The following ARSJ variants were observed in gnomAD, a reference collection of about 807,000 sequenced individuals.
The protein encoded by ARSJ is arylsulfatase J.
In ARSJ, 26 loss-of-function variants were observed where a neutral mutation model predicts 35.9. That is an observed-to-expected ratio of 0.72 (90% CI 0.53 to 1.00). The LOEUF is 1.00. Ranked by LOEUF, ARSJ falls within the 50% of genes least tolerant of loss-of-function variation. ARSJ has a pLI of 0.00. For synonymous variants in ARSJ, 294 were observed against 267.6 expected (o/e 1.10, Z -0.96); for missense variants, 667 against 723.6 (o/e 0.92, Z 0.90).
intron 1 of ARSJ, among the ~76,000 whole-genome samples, chr4:113,961,881 GTC>G (rs1224872534): frequency 6.8e-6 from 1 of 147,030 alleles, no homozygotes; most frequent in African/African-American, 2.6e-5. Flanking sequence ...GCCTGTGTTT[GTC>G]TCTCTCTCTC....
At chr4:113,903,703 C>A (rs1387368934) in intron 1 of ARSJ, 28 bp from the exon 2 acceptor site, 1 of 1,570,766 alleles carries the variant, frequency 6.4e-7, no homozygotes, top group Non-Finnish European at 8.7e-7. Flanking sequence ...AAATTGTTAT[C>A]AGGGCAGGAT....
intron 1 of ARSJ, among the ~76,000 whole-genome samples, chr4:113,921,319 T>C (rs1259780677): frequency 6.6e-6 from 1 of 152,094 alleles, no homozygotes; most frequent in Non-Finnish European, 1.5e-5. Flanking sequence ...AAAGAACAGA[T>C]CTGTTAAGAC....
chr4:113,929,745 C>A (rs896188899), intron 1 of ARSJ, among the ~76,000 whole-genome samples: 2 of 152,232 alleles, frequency 1.3e-5, no homozygotes, highest in South Asian at 2.1e-4. Context: ...GGCTCAGTAT[C>A]TGCTTCTGAA....
At chr4:113,954,667 A>G (rs1025768356) in intron 1 of ARSJ, among the ~76,000 whole-genome samples, 2 of 152,062 alleles carry the variant, frequency 1.3e-5, no homozygotes, top group Admixed American at 6.6e-5. Flanking sequence ...CAAGGAACCA[A>G]TAGGTGATAA....
intron 1 of ARSJ, among the ~76,000 whole-genome samples, chr4:113,937,982 A>G (rs183135139): frequency 1.1e-3 from 168 of 152,216 alleles, no homozygotes; most frequent in African/African-American, 3.7e-3. Flanking sequence ...TGCAGATTCA[A>G]TGCTATTCCC....
intron 1 of ARSJ, among the ~76,000 whole-genome samples, chr4:113,908,293 G>A (rs955666598): frequency 2.2e-5 from 3 of 138,500 alleles, no homozygotes; most frequent in African/African-American, 5.2e-5. Context: ...ACTCTTGTTG[G>A]TAGGAAATAC....
chr4:113,974,730 A>G (rs1419299374), intron 1 of ARSJ, among the ~76,000 whole-genome samples: 1 of 152,200 alleles, frequency 6.6e-6, no homozygotes, highest in Non-Finnish European at 1.5e-5. Context: ...TGAGAGTACA[A>G]ACTGGTAGAA....
chr4:113,937,522 A>G (rs1022221921), intron 1 of ARSJ, among the ~76,000 whole-genome samples: 8 of 152,126 alleles, frequency 5.3e-5, no homozygotes, highest in African/African-American at 1.7e-4. Context: ...TCAACATAGT[A>G]TTGGAAGTTC....
At chr4:113,926,335 A>G (rs4593205) in intron 1 of ARSJ, among the ~76,000 whole-genome samples, 109,760 of 151,856 alleles carry the variant, frequency 0.72, 40,215 homozygotes, top group East Asian at 0.81. Flanking sequence ...TGCAAAATGC[A>G]CAACCAGGTG....
intron 1 of ARSJ, among the ~76,000 whole-genome samples, chr4:113,956,379 A>T (rs1398777789): frequency 6.6e-6 from 1 of 152,116 alleles, no homozygotes; most frequent in African/African-American, 2.4e-5. Context: ...CTACGACATT[A>T]AAAGCAAAAA....
At chr4:113,940,378 C>T (rs1725072287) in intron 1 of ARSJ, among the ~76,000 whole-genome samples, 1 of 152,072 alleles carries the variant, frequency 6.6e-6, no homozygotes, top group Non-Finnish European at 1.5e-5. Flanking sequence ...CCTCAGCAAA[C>T]TAATGCAGGG....
At chr4:113,924,054 T>TAA (rs1554115281) in intron 1 of ARSJ, among the ~76,000 whole-genome samples, 34 of 124,752 alleles carry the variant, frequency 2.7e-4, no homozygotes, top group South Asian at 9.5e-4. Context: ...TAAATATATA[T>TAA]AAATATATAT....
chr4:113,911,887 AT>A (rs1722932092), intron 1 of ARSJ, among the ~76,000 whole-genome samples: 1 of 152,186 alleles, frequency 6.6e-6, no homozygotes, highest in Non-Finnish European at 1.5e-5. Context: ...ATAGTAACTA[AT>A]TTAGTACTTA....
intron 1 of ARSJ, among the ~76,000 whole-genome samples, chr4:113,921,725 C>T (rs1158222813): frequency 6.6e-6 from 1 of 152,160 alleles, no homozygotes; most frequent in Non-Finnish European, 1.5e-5. Context: ...TGCTACTGCA[C>T]TTTGAGGCCA....
intron 1 of ARSJ, among the ~76,000 whole-genome samples, chr4:113,964,642 A>G (rs1335163830): frequency 1.3e-5 from 2 of 152,092 alleles, no homozygotes; most frequent in Admixed American, 1.3e-4. Context: ...AGCAGGTGTT[A>G]AACAGTTGGG....
At chr4:113,918,750 C>T (rs1231095893) in intron 1 of ARSJ, among the ~76,000 whole-genome samples, 3 of 151,850 alleles carry the variant, frequency 2.0e-5, no homozygotes, top group African/African-American at 7.3e-5. Context: ...TTTTAAATTC[C>T]AATACTGAAT....
At chr4:113,968,809 T>C (rs1352562943) in intron 1 of ARSJ, among the ~76,000 whole-genome samples, 1 of 152,198 alleles carries the variant, frequency 6.6e-6, no homozygotes, top group African/African-American at 2.4e-5. Context: ...ATTTCGACTA[T>C]TGTAGGAATT....
chr4:113,959,341 A>G (rs555491654), intron 1 of ARSJ, among the ~76,000 whole-genome samples: 30 of 152,124 alleles, frequency 2.0e-4, no homozygotes, highest in African/African-American at 7.0e-4. Flanking sequence ...AATGTTTCAA[A>G]TGCACACACT....
chr4:113,919,898 A>G (rs937712250), intron 1 of ARSJ, among the ~76,000 whole-genome samples: 1 of 152,002 alleles, frequency 6.6e-6, no homozygotes, highest in South Asian at 2.1e-4. Context: ...GCAGTTTTGT[A>G]CCTAGCAGGA....
Sources: allele counts gnomAD v4.1 joint callset (sites outside exome capture counted in the v4.1 genomes callset), GRCh38; gene constraint gnomAD v4.1.1; transcripts MANE v1.5; gene names NCBI Gene and HGNC (gene_info 2026-07-23, HGNC 2026-07-21).